Variants in KIF18A observed in about 807,000 individuals in gnomAD.
KIF18A encodes the protein kinesin-like protein KIF18A.
KIF18A carries 67 observed loss-of-function variants against 103.3 expected under a neutral mutation model. That is an observed-to-expected ratio of 0.65 (90% confidence interval 0.53 to 0.79). The LOEUF (loss-of-function observed/expected upper bound fraction) is 0.79. Ranked by LOEUF, KIF18A falls within the 30% of genes least tolerant of loss-of-function variation. The pLI is 0.00. For synonymous variants in KIF18A, 367 were observed against 355.5 expected (o/e 1.03, Z -0.36); for missense variants, 1,032 against 1,062.5 (o/e 0.97, Z 0.40).
intron 13 of KIF18A, among the ~76,000 whole-genome samples, chr11:28,046,936 C>T (rs1850643413): frequency 6.6e-6 from 1 of 150,384 alleles, no homozygotes. Flanking sequence ...CGCCTGTAAT[C>T]CCAGCTATTT....
At chr11:28,102,886 T>C (rs1851463922) in intron 1 of KIF18A, among the ~76,000 whole-genome samples, 1 of 152,168 alleles carries the variant, frequency 6.6e-6, no homozygotes, top group Non-Finnish European at 1.5e-5. Context: ...CTAAAAGAAA[T>C]GAGCATTTAG....
chr11:28,036,239 C>A lies in KIF18A; in HGVS notation c.2374G>T (p.Asp792Tyr). 6.3e-7 allele frequency: 1 copy of A among 1,594,868 alleles called. No homozygotes were observed. Among genetic ancestry groups the A allele is most frequent in the Non-Finnish European group, 8.5e-7 (1 of 1,170,424 alleles). ...TACCGTTGTAAAATGTCTTTGTTAT[C>A]ATTTGGTAGTGATTCTTGTTCGGGT... ...KLPEQESLPN[D>Y]NKDILQRLDP... The change falls in exon 14 of 17, where the codon GAT (aspartate) becomes TAT (tyrosine). Residue 792 changes from aspartate (D) to tyrosine (Y), a missense_variant. Asp to Tyr is a radical substitution (Grantham distance 160). Coordinates refer to ENST00000263181, the MANE Select transcript of KIF18A (RefSeq NM_031217.4).
intron 15 of KIF18A, among the ~76,000 whole-genome samples, chr11:28,032,453 C>G (rs1850423527): frequency 6.6e-6 from 1 of 151,854 alleles, no homozygotes; most frequent in African/African-American, 2.4e-5. Context: ...AATCACATTA[C>G]CTGACTTCAA....
At chr11:28,106,100 AT>A (rs953778875) in intron 1 of KIF18A, among the ~76,000 whole-genome samples, 160 of 152,354 alleles carry the variant, frequency 1.1e-3, no homozygotes, top group African/African-American at 3.8e-3. Flanking sequence ...GTATTCACTG[AT>A]ACGTTCATCA....
chr11:28,075,424 AT>A (rs1252939232), intron 10 of KIF18A, among the ~76,000 whole-genome samples: 1 of 152,200 alleles, frequency 6.6e-6, no homozygotes, highest in Non-Finnish European at 1.5e-5. Flanking sequence ...TTTTCTGAGA[AT>A]TAAAAAGAGT....
intron 1 of KIF18A, among the ~76,000 whole-genome samples, chr11:28,103,540 T>G (rs1851470257): frequency 6.6e-6 from 1 of 152,088 alleles, no homozygotes; most frequent in Admixed American, 6.6e-5. Flanking sequence ...TCCAAAATTT[T>G]ATGATTATTA....
Position 28,082,203 on chromosome 11 carries a change from T to C in KIF18A, c.1262+653A>G, listed in dbSNP as rs78758707. ...TAGAATATGACATAAATATAGCTGATAGAGCAGTGGCAAGGTTTGAAAAGA... is the reference window on the plus strand; with the variant it reads ...TAGAATATGACATAAATATAGCTGACAGAGCAGTGGCAAGGTTTGAAAAGA... On this transcript the variant is annotated intron_variant, in intron 9 of 16. Coordinates refer to ENST00000263181, the MANE Select transcript of KIF18A (RefSeq NM_031217.4). Among the ~76,000 whole-genome samples, 46 of 152,266 alleles carry C rather than the reference T, an allele frequency of 3.0e-4. No individual in the cohort carries two copies. In the East Asian group the frequency reaches 8.9e-3, roughly 29 times the overall value.
chr11:28,093,052 A>C (rs555813493), intron 3 of KIF18A, among the ~76,000 whole-genome samples: 1 of 152,358 alleles, frequency 6.6e-6, no homozygotes, highest in African/African-American at 2.4e-5. Context: ...GCCTATTTTT[A>C]AAAAGTTCTA....
intron 11 of KIF18A, among the ~76,000 whole-genome samples, chr11:28,068,114 C>G (rs1382244146): frequency 6.6e-6 from 1 of 152,128 alleles, no homozygotes; most frequent in Non-Finnish European, 1.5e-5. Flanking sequence ...AGTTCACGTC[C>G]TTTGCAGGGA....
intron 7 of KIF18A, among the ~76,000 whole-genome samples, chr11:28,083,998 ATATAT>A (rs1380017452): frequency 6.6e-6 from 1 of 152,102 alleles, no homozygotes; most frequent in African/African-American, 2.4e-5. Flanking sequence ...TTCAACCCCG[ATATAT>A]TATAATTTAA....
chr11:28,031,509 C>T (rs573822412), intron 15 of KIF18A, among the ~76,000 whole-genome samples: 6 of 152,108 alleles, frequency 3.9e-5, no homozygotes, highest in African/African-American at 4.8e-5. Flanking sequence ...GGAAGGTGAA[C>T]ATCACACACC....
chr11:28,036,973 T>C (rs1284607213), intron 13 of KIF18A, among the ~76,000 whole-genome samples: 1 of 151,562 alleles, frequency 6.6e-6, no homozygotes, highest in Admixed American at 6.6e-5. Flanking sequence ...TCCAATAAAA[T>C]TCACAATTTC....
In KIF18A at chr11:28,102,967, C is replaced by T. The variant is rs74506317; in HGVS notation, c.-46-4974G>A. Among the ~76,000 whole-genome samples, 160 of 152,150 alleles carry T rather than the reference C, an allele frequency of 1.1e-3. 1 individual carries two copies. Among genetic ancestry groups the T allele is most frequent in the Non-Finnish European group, 1.9e-3 (127 of 67,978 alleles). Reference sequence around the variant, plus strand: ...TTAATATGAAGCAGCAAAAGAAAAGCCTAAATATCGTTATCTGCGCAAGAA... The same window carrying T: ...TTAATATGAAGCAGCAAAAGAAAAGTCTAAATATCGTTATCTGCGCAAGAA... On this transcript the variant is annotated intron_variant, in intron 1 of 16. Coordinates refer to ENST00000263181, the MANE Select transcript of KIF18A (RefSeq NM_031217.4).
intron 1 of KIF18A, among the ~76,000 whole-genome samples, chr11:28,100,112 A>G (rs1238070817): frequency 6.6e-6 from 1 of 152,068 alleles, no homozygotes; most frequent in African/African-American, 2.4e-5. Flanking sequence ...CTTGAGAATT[A>G]GAAGGATAAA....
chr11:28,096,689 G>A (rs1851379881), intron 2 of KIF18A, among the ~76,000 whole-genome samples: 2 of 152,158 alleles, frequency 1.3e-5, no homozygotes, highest in Admixed American at 6.5e-5. Context: ...GATCAAGAGG[G>A]TATGTCTTCC....
chr11:28,041,560 T>A (rs1487254799), intron 13 of KIF18A, among the ~76,000 whole-genome samples: 4 of 151,772 alleles, frequency 2.6e-5, no homozygotes. Context: ...AGACAAGGGT[T>A]TTTATTTATT....
Position 28,036,664 on chromosome 11 carries a change from C to T in KIF18A, c.1949G>A (p.Cys650Tyr). ...CAGATTAGTTCCACCTGAAGATGAG[C>T]CTATTCAAAAAAATAAAAAAAGACA... Reference protein sequence around the residue: ...QLGPVQPIPCCSSSGGTNLVK... With the variant: ...QLGPVQPIPCYSSSGGTNLVK... Residue 650 changes from cysteine (C) to tyrosine (Y), a missense_variant and splice_region_variant, in exon 14 of 17, where the codon TGC (cysteine) becomes TAC (tyrosine). Physicochemically the swap from Cys to Tyr is radical, Grantham distance 194. Coordinates refer to ENST00000263181, the MANE Select transcript of KIF18A (RefSeq NM_031217.4). 1 of 1,536,614 alleles carries T rather than the reference C, an allele frequency of 6.5e-7. No individual in the cohort carries two copies. Among genetic ancestry groups the T allele is most frequent in the African/African-American group, 1.4e-5 (1 of 71,910 alleles).
intron 7 of KIF18A, 121 bp downstream of exon 7, chr11:28,084,511 C>T: frequency 1.4e-6 from 1 of 711,116 alleles, no homozygotes; most frequent in Non-Finnish European, 2.2e-6. Flanking sequence ...AAAGACCCTT[C>T]TAACCCTCAG....
intron 13 of KIF18A, among the ~76,000 whole-genome samples, chr11:28,037,755 C>T (rs923981724): frequency 4.0e-5 from 6 of 151,538 alleles, no homozygotes; most frequent in Non-Finnish European, 8.9e-5. Flanking sequence ...AGTCAGTCTC[C>T]CAAATGTCAA....
Sources: gnomAD v4.1 joint callset for allele counts (sites outside exome capture counted in the v4.1 genomes callset) on GRCh38, gnomAD v4.1.1 for gene constraint, MANE v1.5 for transcripts, NCBI Gene and HGNC (gene_info 2026-07-23, HGNC 2026-07-21) for gene names.